The following EFEMP1 variants were observed in gnomAD, a reference collection of about 807,000 sequenced individuals.
EFEMP1 encodes the protein EGF-containing fibulin-like extracellular matrix protein 1.
A neutral mutation model predicts 65.7 loss-of-function variants in EFEMP1; 18 were observed. The ratio of observed to expected loss-of-function variants is 0.27; its 90% confidence interval spans 0.19 to 0.41. EFEMP1 has a LOEUF of 0.41. Among genes scored for constraint, EFEMP1 ranks in the 10% least tolerant of loss-of-function variants. The probability of loss-of-function intolerance (pLI) is 1.00; values close to 1 mark genes in which losing one functional copy is unlikely to be tolerated. For missense variants in EFEMP1, 469 were observed against 624.8 expected, an observed-to-expected ratio of 0.75 and a Z score of 2.66; for synonymous variants, 237 against 219.7, an observed-to-expected ratio of 1.08 and a Z score of -0.70.
At chr2:55,869,973 G>A (rs1668736328) in intron 11 of EFEMP1, among the ~76,000 whole-genome samples, 1 of 152,062 alleles carries the variant, frequency 6.6e-6, no homozygotes, top group Non-Finnish European at 1.5e-5. Flanking sequence ...AGTGACGGGA[G>A]CCAGTTTATA....
rs1038268943 is a variant in EFEMP1 at position 55,900,351 on chromosome 2, A to G, written c.517+17314T>C. Among the ~76,000 whole-genome samples, 5 of 143,690 alleles carry G rather than the reference A, an allele frequency of 3.5e-5. No individual in the cohort carries two copies. The Admixed American group carries it at 3.5e-4, about 10-fold the overall frequency. 94.3% of individuals were successfully genotyped at this position (143,690 alleles called of 152,430 possible). ...ACTCTCACTGCCTTCTTCGTGGACT[A>G]GACCAGCCTTCCCGGGATGCTCCGG... On this transcript the variant is annotated intron_variant, in intron 5 of 11. Coordinates refer to ENST00000355426, the MANE Select transcript of EFEMP1 (RefSeq NM_001039348.3).
chr2:55,903,615 C>T (rs1670125381), intron 5 of EFEMP1, among the ~76,000 whole-genome samples: 1 of 152,108 alleles, frequency 6.6e-6, no homozygotes, highest in African/African-American at 2.4e-5. Context: ...ATCTATAATG[C>T]ATAACACACA....
chr2:55,866,981 A>T lies in EFEMP1; in HGVS notation c.*92T>A. The T allele has an allele frequency of 6.7e-7, 1 of 1,494,124 alleles. No individual in the cohort carries two copies. Among genetic ancestry groups the T allele is most frequent in the Non-Finnish European group, 9.3e-7 (1 of 1,076,780 alleles). The allele number at this position is 1,494,124 out of a possible 1,614,324, so 92.6% of individuals were successfully genotyped here. On this transcript the variant is annotated 3_prime_UTR_variant, in exon 12 of 12. Transcript: ENST00000355426. ...GTGAGTGTACAGTATAGAGATGTAG[A>T]TGCACTAGATATATCTATAAATAAA...
rs1669383135 is a variant in EFEMP1 at position 55,885,260 on chromosome 2, GA to G, written c.518-3527del. On this transcript the variant is annotated intron_variant, in intron 5 of 11. Transcript: ENST00000355426. This position sits in a 1 kb window ranked among gnomAD's most constrained non-coding sequence, Gnocchi z 4.3. The stretch of plus-strand genomic sequence containing the variant: ...AAAGCAGCTCACATTAGAAAATGCT[GA>G]TAAGACAAAACTGGTTTCCATGAGA... Among the ~76,000 whole-genome samples, 1 of 152,190 alleles carries G rather than the reference GA, an allele frequency of 6.6e-6. No homozygotes were observed.
In EFEMP1 at chr2:55,871,179, T is replaced by C. The variant is rs1668795246; in HGVS notation, c.1001-56A>G. 6.2e-7 allele frequency: 1 copy of C among 1,608,960 alleles called. No individual in the cohort carries two copies. Among genetic ancestry groups the C allele is most frequent in the Non-Finnish European group, 8.5e-7 (1 of 1,177,830 alleles). On this transcript the variant is annotated intron_variant, in intron 9 of 11. Transcript: ENST00000355426. This position sits in a 1 kb window ranked among gnomAD's most constrained non-coding sequence, Gnocchi z 4.2. ...AACTAAACTAATGAACTGATCTAATTAAATCATATAACTGGCAGATTCTGT... is the reference window on the plus strand; with the variant it reads ...AACTAAACTAATGAACTGATCTAATCAAATCATATAACTGGCAGATTCTGT...
chr2:55,896,068 T>C (rs1006285429), intron 5 of EFEMP1, among the ~76,000 whole-genome samples: 1 of 152,206 alleles, frequency 6.6e-6, no homozygotes, highest in African/African-American at 2.4e-5. Context: ...CACGTATCAG[T>C]GGCCTATATA....
chr2:55,908,493 C>T (rs1468880685), intron 5 of EFEMP1, among the ~76,000 whole-genome samples: 1 of 152,040 alleles, frequency 6.6e-6, no homozygotes, highest in African/African-American at 2.4e-5. Context: ...TTCAGTTAAA[C>T]AGGAAGATTT....
At chr2:55,899,589 C>T (rs1298213480) in intron 5 of EFEMP1, among the ~76,000 whole-genome samples, 1 of 152,138 alleles carries the variant, frequency 6.6e-6, no homozygotes, top group Non-Finnish European at 1.5e-5. Flanking sequence ...TCCTTTAATG[C>T]GTATGGGGCA....
rs1670823552 is a variant in EFEMP1 at position 55,919,215 on chromosome 2, T to C, written c.82-948A>G. 6.6e-6 allele frequency among the ~76,000 whole-genome samples: 1 copy of C among 152,134 alleles called. No individual in the cohort carries two copies. The highest frequency in any genetic ancestry group is 6.5e-5 in the Admixed American group (1 of 15,284). ...CAAGGAGTTCTGGGTAGGTGGAGGA[T>C]GAGGTTACAGAGGTAGGCAGGGCCA... On this transcript the variant is annotated intron_variant, in intron 3 of 11. Coordinates refer to ENST00000355426, the MANE Select transcript of EFEMP1 (RefSeq NM_001039348.3). This position sits in a 1 kb window ranked among gnomAD's most constrained non-coding sequence, Gnocchi z 4.5.
intron 5 of EFEMP1, among the ~76,000 whole-genome samples, chr2:55,900,982 C>T (rs1176422891): frequency 2.0e-5 from 3 of 152,146 alleles, no homozygotes; most frequent in African/African-American, 7.2e-5. Context: ...TCTTAAACAA[C>T]CTATTTATTG....
chr2:55,901,264 A>G (rs1426999004), intron 5 of EFEMP1, among the ~76,000 whole-genome samples: 1 of 152,258 alleles, frequency 6.6e-6, no homozygotes, highest in East Asian at 1.9e-4. Flanking sequence ...TCTTTTATGT[A>G]ACAAGCATGT....
At chr2:55,872,136 A>G (rs1442915500) in intron 9 of EFEMP1, among the ~76,000 whole-genome samples, 1 of 152,136 alleles carries the variant, frequency 6.6e-6, no homozygotes, top group East Asian at 1.9e-4. Flanking sequence ...CTCCCTTTAC[A>G]TTTGAATAGT....
At position 55,902,156 on chromosome 2, in the gene EFEMP1, C is replaced by G. The variant is rs1670062343; in HGVS notation, c.517+15509G>C. ...AATAAATGTTTGTTGTTTTAAGTCA[C>G]TAAGCATTGGAGTAATTTGTTATGC... On this transcript the variant is annotated intron_variant, in intron 5 of 11. Coordinates refer to ENST00000355426, the MANE Select transcript of EFEMP1 (RefSeq NM_001039348.3). Among the ~76,000 whole-genome samples the G allele has an allele frequency of 2.0e-5, 3 of 152,204 alleles. No homozygotes were observed. The South Asian group carries it at 6.2e-4, about 31-fold the overall frequency.
chr2:55,887,413 C>T (rs1364968044), intron 5 of EFEMP1, among the ~76,000 whole-genome samples: 1 of 152,112 alleles, frequency 6.6e-6, no homozygotes, highest in African/African-American at 2.4e-5. Context: ...ACATTCATAG[C>T]TCTCCAAGTT....
At chr2:55,916,372 A>T (rs1670687803) in intron 5 of EFEMP1, among the ~76,000 whole-genome samples, 1 of 152,180 alleles carries the variant, frequency 6.6e-6, no homozygotes. Context: ...ATCTTCCCAA[A>T]GTGCTGGGAT....
At chr2:55,882,634 C>T (rs762922982) in intron 5 of EFEMP1, among the ~76,000 whole-genome samples, 4 of 151,972 alleles carry the variant, frequency 2.6e-5, no homozygotes, top group Admixed American at 6.6e-5. Context: ...TATATTCATT[C>T]GGCTCTCCTA....
chr2:55,916,886 C>T (rs72811719), intron 5 of EFEMP1, among the ~76,000 whole-genome samples: 5,055 of 152,286 alleles, frequency 0.033, 115 homozygotes, highest in South Asian at 0.073. Context: ...TTTGCTAATA[C>T]GAGCCTACAG....
Position 55,876,752 on chromosome 2 carries a change from A to G in EFEMP1, c.761-10T>C. 2 of 1,532,834 alleles carry G rather than the reference A, an allele frequency of 1.3e-6. No homozygotes were observed. Among genetic ancestry groups the G allele is most frequent in the Non-Finnish European group, 1.8e-6 (2 of 1,122,438 alleles). The allele number at this position is 1,532,834 out of a possible 1,614,324, so 95.0% of individuals were successfully genotyped here. On this transcript the variant is annotated splice_polypyrimidine_tract_variant and intron_variant, in intron 7 of 11. Coordinates refer to ENST00000355426, the MANE Select transcript of EFEMP1 (RefSeq NM_001039348.3). The stretch of plus-strand genomic sequence containing the variant: ...TCACATTCATTTATATCTGAAAAAA[A>G]GTTTTATATATATATATATGTATAT...
At chr2:55,874,242 A>C (rs912728476) in intron 9 of EFEMP1, among the ~76,000 whole-genome samples, 2 of 151,008 alleles carry the variant, frequency 1.3e-5, no homozygotes, top group African/African-American at 4.8e-5. Flanking sequence ...AGGATTTTCT[A>C]CGTTTTTGGT....
Sources: gnomAD v4.1 joint callset for allele counts (sites outside exome capture counted in the v4.1 genomes callset) on GRCh38, gnomAD v4.1.1 for gene constraint, Gnocchi (gnomAD v3.1) non-coding constraint, MANE v1.5 for transcripts, NCBI Gene and HGNC (gene_info 2026-07-23, HGNC 2026-07-21) for gene names.